CXCL13: variants seen among roughly 807,000 people sequenced by gnomAD.
The protein encoded by CXCL13 is C-X-C motif chemokine 13.
A neutral mutation model predicts 12.2 loss-of-function variants in CXCL13; 7 were observed. That is an observed-to-expected ratio of 0.57 (90% CI 0.33 to 1.07). The LOEUF (loss-of-function observed/expected upper bound fraction) is 1.07. Ranked by LOEUF, CXCL13 falls within the 50% of genes least tolerant of loss-of-function variation. The probability of loss-of-function intolerance (pLI) is 0.04; values close to 1 mark genes in which losing one functional copy is unlikely to be tolerated. For missense variants in CXCL13, 113 were observed against 127.4 expected (o/e 0.89, Z 0.55); for synonymous variants, 47 against 42.4 (o/e 1.11, Z -0.42).
chr4:77,528,208 T>C (rs1724815020), intron 1 of CXCL13, among the ~76,000 whole-genome samples: 3 of 152,238 alleles, frequency 2.0e-5, no homozygotes, highest in Non-Finnish European at 2.9e-5. Flanking sequence ...TTCCAAGTCT[T>C]TGCTATTGTG....
chr4:77,588,136 A>T (rs1055618594), intron 1 of CXCL13, among the ~76,000 whole-genome samples: 24 of 73,764 alleles, frequency 3.3e-4, no homozygotes, highest in African/African-American at 2.5e-3. Flanking sequence ...ACAAAGGATT[A>T]AAAAAGGAAA....
chr4:77,538,320 T>G (rs1333693081), intron 1 of CXCL13, among the ~76,000 whole-genome samples: 2 of 151,986 alleles, frequency 1.3e-5, no homozygotes, highest in African/African-American at 4.8e-5. Flanking sequence ...GGTTTTTTTT[T>G]GTTTGTTTTG....
In CXCL13 at chr4:77,607,814, G is replaced by C; in HGVS notation, c.176G>C (p.Gly59Ala). Residue 59 changes from glycine to alanine, a missense_variant, in exon 2 of 4, where the codon GGT becomes GCT. Physicochemically the swap from Gly to Ala is moderately conservative, Grantham distance 60 (BLOSUM62 0). Coordinates refer to ENST00000682537, the MANE Select transcript of CXCL13 (RefSeq NM_001371558.1). ...DRIQILPRGN[G>A]CPRKEIIVWK... ...ATTCAAATCTTGCCCCGTGGGAATGGTTGTCCAAGAAAAGAAATCATGTAA... is the reference window on the plus strand; with the variant it reads ...ATTCAAATCTTGCCCCGTGGGAATGCTTGTCCAAGAAAAGAAATCATGTAA... The C allele has an allele frequency of 6.2e-7, 1 of 1,613,998 alleles. No homozygotes were observed. Among genetic ancestry groups the C allele is most frequent in the Non-Finnish European group, 8.5e-7 (1 of 1,179,982 alleles).
chr4:77,577,323 A>G (rs1017014357), intron 1 of CXCL13, among the ~76,000 whole-genome samples: 4 of 152,142 alleles, frequency 2.6e-5, no homozygotes, highest in African/African-American at 7.2e-5. Flanking sequence ...GCTTCACCTT[A>G]GCATTTGGAT....
chr4:77,543,893 A>T (rs968572102), intron 1 of CXCL13, among the ~76,000 whole-genome samples: 24 of 151,730 alleles, frequency 1.6e-4, no homozygotes, highest in Non-Finnish European at 5.9e-5. Context: ...GCTATACCTC[A>T]CCACTCCCCC....
At chr4:77,530,514 G>A (rs557091143) in intron 1 of CXCL13, among the ~76,000 whole-genome samples, 5 of 152,142 alleles carry the variant, frequency 3.3e-5, no homozygotes, top group South Asian at 2.1e-4. Context: ...GAGGGTGTAT[G>A]TGTTCAGGAA....
rs76876287 is a variant in CXCL13, at chr4:77,561,719, T to C, written c.-42-44105T>C. ...CCCCTGCAGCAGTGAGAGGTGATGG[T>C]GTGCTGGCAGCCCTTGCAGCCCTTG... On this transcript the variant is annotated intron_variant, in intron 1 of 4. Coordinates refer to the CXCL13 transcript ENST00000286758. Among the ~76,000 whole-genome samples, 679 of 152,312 alleles carry C rather than the reference T, an allele frequency of 4.5e-3. 18 individuals are homozygous for C. Among genetic ancestry groups the C allele is most frequent in the East Asian group, 0.026 (137 of 5,176 alleles).
intron 1 of CXCL13, among the ~76,000 whole-genome samples, chr4:77,529,715 C>T (rs1244411375): frequency 6.6e-6 from 1 of 152,176 alleles, no homozygotes; most frequent in African/African-American, 2.4e-5. Context: ...ATCATGTCAT[C>T]TGCAAACAGG....
intron 1 of CXCL13, among the ~76,000 whole-genome samples, chr4:77,578,768 G>A (rs947842091): frequency 3.9e-5 from 6 of 152,052 alleles, no homozygotes; most frequent in Non-Finnish European, 8.8e-5. Context: ...CCCAGTTTTA[G>A]CTGAACTAAG....
At chr4:77,608,999 A>G (rs1727083300) in intron 2 of CXCL13, among the ~76,000 whole-genome samples, 1 of 152,188 alleles carries the variant, frequency 6.6e-6, no homozygotes, top group Non-Finnish European at 1.5e-5. Flanking sequence ...CTTTTCATCA[A>G]GTTCTGCATT....
intron 1 of CXCL13, among the ~76,000 whole-genome samples, chr4:77,512,699 A>G (rs1724304477): frequency 6.6e-6 from 1 of 152,174 alleles, no homozygotes; most frequent in Non-Finnish European, 1.5e-5. Flanking sequence ...CTAAGATACT[A>G]GAGGTTAGGA....
chr4:77,524,761 G>A (rs945171723), intron 1 of CXCL13, among the ~76,000 whole-genome samples: 12 of 152,116 alleles, frequency 7.9e-5, no homozygotes, highest in African/African-American at 2.9e-4. Context: ...GATGAACCAG[G>A]TACCTCAGTT....
chr4:77,566,694 C>CA (rs1177582384), intron 1 of CXCL13, among the ~76,000 whole-genome samples: 2 of 152,152 alleles, frequency 1.3e-5, no homozygotes, highest in African/African-American at 4.8e-5. Context: ...CCTGTCCCCT[C>CA]ACCCCCTAAT....
chr4:77,513,393 C>T (rs1285923773), intron 1 of CXCL13, among the ~76,000 whole-genome samples: 1 of 152,070 alleles, frequency 6.6e-6, no homozygotes, highest in Non-Finnish European at 1.5e-5. Flanking sequence ...TTTACACTCC[C>T]ACCAACAGTG....
In CXCL13 at chr4:77,610,622, A is replaced by G. The variant is rs866325665; in HGVS notation, c.206A>G (p.Lys69Arg). Residue 69 changes from lysine (K) to arginine (R), a missense_variant, in exon 3 of 4, where the codon AAG becomes AGG. Physicochemically the swap from Lys to Arg is conservative, Grantham distance 26 (BLOSUM62 2). Transcript: ENST00000682537. ...TTTTTATTTTCCCCCAGAGTCTGGA[A>G]GAAGAACAAGTCAATTGTGTGTGTG... ...GCPRKEIIVWKKNKSIVCVDP... is the reference protein window; with the variant it reads ...GCPRKEIIVWRKNKSIVCVDP... The G allele has an allele frequency of 6.2e-7, 1 of 1,610,780 alleles. No individual in the cohort carries two copies. Among genetic ancestry groups the G allele is most frequent in the Non-Finnish European group, 8.5e-7 (1 of 1,176,946 alleles).
chr4:77,569,852 T>C (rs1726025806), intron 1 of CXCL13, among the ~76,000 whole-genome samples: 1 of 152,206 alleles, frequency 6.6e-6, no homozygotes, highest in Non-Finnish European at 1.5e-5. Context: ...CCTGGAGGCA[T>C]CATGTTACCC....
chr4:77,587,439 CA>C lies in CXCL13; in HGVS notation c.-42-18384del, dbSNP rs1726500049. On this transcript the variant is annotated intron_variant, in intron 1 of 4. Transcript: ENST00000286758. ...GAAGCTCACAGTCCAGCTAAGGAGA[CA>C]CGTGCAAAAATAAACAATGGTGATC... Among the ~76,000 whole-genome samples the C allele has an allele frequency of 3.3e-5, 5 of 152,232 alleles. No homozygotes were observed. In the South Asian group the frequency reaches 1.0e-3, roughly 32 times the overall value.
intron 1 of CXCL13, among the ~76,000 whole-genome samples, chr4:77,580,470 GCACCCAC>G (rs1330409624): frequency 6.6e-6 from 1 of 150,452 alleles, no homozygotes; most frequent in Non-Finnish European, 1.5e-5. Flanking sequence ...GGGACTACAG[GCACCCAC>G]CACCACGCAC....
intron 1 of CXCL13, among the ~76,000 whole-genome samples, chr4:77,520,080 G>C (rs1334038072): frequency 1.3e-5 from 2 of 152,144 alleles, no homozygotes; most frequent in South Asian, 2.1e-4. Context: ...CTATATCTCT[G>C]TTTTGGTACC....
Sources: gnomAD v4.1 joint callset for allele counts (sites outside exome capture counted in the v4.1 genomes callset) on GRCh38, gnomAD v4.1.1 for gene constraint, MANE v1.5 for transcripts, NCBI Gene and HGNC (gene_info 2026-07-23, HGNC 2026-07-21) for gene names.